The following PALB2 variants were observed in gnomAD, a reference collection of about 807,000 sequenced individuals.
The protein encoded by PALB2 is mutant partner and localizer of BRCA2.
A neutral mutation model predicts 107.4 loss-of-function variants in PALB2; 82 were observed. The observed-to-expected ratio is 0.76, with a 90% CI of 0.64 to 0.92. PALB2 has a LOEUF of 0.92. Ranked by LOEUF, PALB2 falls within the 40% of genes least tolerant of loss-of-function variation. The pLI is 0.00. For synonymous variants in PALB2, 489 were observed against 496.8 expected (o/e 0.98, Z 0.21); for missense variants, 1,374 against 1,379.9 (o/e 1.00, Z 0.07).
rs183489969 is a variant in PALB2 at position 23,621,421 on chromosome 16, C to G, written c.3054G>C (p.Glu1018Asp). The change falls in exon 10 of 13, where the codon GAG (glutamate) becomes GAC (aspartate). Residue 1018 changes from glutamate to aspartate, a missense_variant. Transcript: ENST00000261584. ...PPEETILTFA[E>D]VQGMQEALLG... is the part of the protein sequence containing the mutation. ...GCAGAGCTTCTTGCATCCCTTGGAC[C>G]TCAGCAAAAGTTAGTATAGTCTCCT... 214 of 1,614,106 alleles carry G rather than the reference C, an allele frequency of 1.3e-4. No homozygotes were observed. In the East Asian group the frequency reaches 4.2e-3, roughly 31 times the overall value.
intron 11 of PALB2, among the ~76,000 whole-genome samples, chr16:23,611,466 A>AT (rs35421265): frequency 2.8e-4 from 41 of 146,330 alleles, no homozygotes; most frequent in African/African-American, 9.0e-4. Flanking sequence ...TATTATTATT[A>AT]TTTTTTTTTG....
At chr16:23,619,500 C>A (rs966089660) in intron 10 of PALB2, among the ~76,000 whole-genome samples, 31 of 150,946 alleles carry the variant, frequency 2.1e-4, no homozygotes, top group Non-Finnish European at 4.0e-4. Flanking sequence ...ATTTTTGTGT[C>A]TTTAGTAGAG....
chr16:23,637,203 G>A (rs1037743995), intron 3 of PALB2, among the ~76,000 whole-genome samples: 1 of 152,024 alleles, frequency 6.6e-6, no homozygotes, highest in African/African-American at 2.4e-5. Flanking sequence ...AGCTGTGATT[G>A]AGCCACTGTA....
chr16:23,630,586 C>A, intron 4 of PALB2, 117 bp from the exon 5 acceptor site: 1 of 837,800 alleles, frequency 1.2e-6, no homozygotes, highest in African/African-American at 1.7e-5. Context: ...TTTTAATGAA[C>A]CTTAATTTCC....
chr16:23,636,732 C>T (rs1177445808), intron 3 of PALB2, among the ~76,000 whole-genome samples: 1 of 152,168 alleles, frequency 6.6e-6, no homozygotes, highest in Non-Finnish European at 1.5e-5. Context: ...TTCTTTATCA[C>T]ACAATCTCTT....
chr16:23,612,631 A>G (rs961096577), intron 11 of PALB2, among the ~76,000 whole-genome samples: 1 of 145,998 alleles, frequency 6.8e-6, no homozygotes, highest in Admixed American at 7.0e-5. Context: ...GGCTCCAGGG[A>G]TCCCCTGAAC....
chr16:23,611,207 C>T (rs1051979574), intron 11 of PALB2, among the ~76,000 whole-genome samples: 16 of 152,046 alleles, frequency 1.1e-4, no homozygotes, highest in Admixed American at 5.2e-4. Flanking sequence ...TGCAATGGCA[C>T]GATCTTGGCT....
In PALB2 at chr16:23,635,812, G is replaced by A. The variant is rs571063157; in HGVS notation, c.734C>T (p.Ala245Val). ...TAGAGTCTGTAAAGGAACTGTAGTC[G>A]CCCTGGTGAAATTAGGTCTTCTTAG... ...TFLRRPNFTRATTVPLQTLSD... is the reference protein window; with the variant it reads ...TFLRRPNFTRVTTVPLQTLSD... Residue 245 changes from alanine to valine, a missense_variant, in exon 4 of 13, where the codon GCG becomes GTG. Ala to Val is a moderately conservative substitution (Grantham distance 64). Transcript: ENST00000261584. 1.3e-5 allele frequency: 21 copies of A among 1,614,114 alleles called. No individual in the cohort carries two copies. The highest frequency in any genetic ancestry group is 9.9e-5 in the South Asian group (9 of 91,088).
At position 23,603,471 on chromosome 16, in the gene PALB2, G is replaced by T. The variant is rs118203998; in HGVS notation, c.3549C>A (p.Tyr1183Ter). The T allele has an allele frequency of 3.1e-6, 5 of 1,612,120 alleles. No homozygotes were observed. Among genetic ancestry groups the T allele is most frequent in the Non-Finnish European group, 4.2e-6 (5 of 1,178,256 alleles). ...AGQKDGNIFV[Y>*]HYS ...ACTTTACCCTAACTTATGAATAGTG[G>T]TATACAAATATATTTCCATCTTTTT... The change falls in exon 13 of 13, where the codon TAC becomes TAA. Residue 1183 changes from tyrosine to a stop codon, truncating the protein, a stop_gained. Transcript: ENST00000261584. LOFTEE classifies it high-confidence loss of function.
At chr16:23,626,539 C>T in intron 6 of PALB2, 142 bp from the exon 7 acceptor site, 1 of 869,740 alleles carries the variant, frequency 1.1e-6, no homozygotes, top group Non-Finnish European at 1.8e-6. Context: ...AAAGAAAGAG[C>T]TTTGTGGTTC....
In PALB2 at chr16:23,622,900, C is replaced by T. The variant is rs1414849286; in HGVS notation, c.2996+69G>A. ...GAAAAACGAGATCCTAGTTACCCAA[C>T]TTTCTCTGAAACCTGTGATAAAATC... is the stretch of plus-strand genomic sequence containing the variant. On this transcript the variant is annotated intron_variant, in intron 9 of 12. Transcript: ENST00000261584. The T allele has an allele frequency of 6.3e-6, 10 of 1,590,644 alleles. No homozygotes were observed. In the East Asian group the frequency reaches 2.2e-4, roughly 36 times the overall value.
At chr16:23,607,504 C>T in intron 12 of PALB2, 2 of 322,468 alleles carry the variant, frequency 6.2e-6, no homozygotes, top group South Asian at 5.6e-5. Context: ...CTCTGTTGTC[C>T]AAGTTGGTCT....
chr16:23,632,584 G>T (rs548951739), intron 4 of PALB2, among the ~76,000 whole-genome samples: 1 of 152,288 alleles, frequency 6.6e-6, no homozygotes, highest in South Asian at 2.1e-4. Flanking sequence ...ATGAAGTAGG[G>T]GGTCAGGGGA....
chr16:23,633,884 T>G (rs1463081012), intron 4 of PALB2, among the ~76,000 whole-genome samples: 2 of 152,096 alleles, frequency 1.3e-5, no homozygotes, highest in Non-Finnish European at 2.9e-5. Flanking sequence ...TTCTATATTT[T>G]TTTTTGTAGA....
In PALB2 at chr16:23,629,991, T is replaced by G. The variant is rs587781105; in HGVS notation, c.2163A>C (p.Thr721=). The part of the protein sequence containing the change: ...VAPDDNDRPT[T]DMCSPAFPIL... Reference sequence around the variant, plus strand: ...TGGGGAAAGCAGGTGAACACATGTCTGTGGTAGGCCTGTCATTATCATCAG... The same window carrying G: ...TGGGGAAAGCAGGTGAACACATGTCGGTGGTAGGCCTGTCATTATCATCAG... The change falls in exon 5 of 13, where the codon ACA becomes ACC. Residue 721 remains threonine (T), a synonymous_variant. Transcript: ENST00000261584. 5 of 1,614,054 alleles carry G rather than the reference T, an allele frequency of 3.1e-6. No homozygotes were observed. The highest frequency in any genetic ancestry group is 4.2e-6 in the Non-Finnish European group (5 of 1,180,028).
At position 23,630,153 on chromosome 16, in the gene PALB2, T is replaced by A. The variant is rs1421924676; in HGVS notation, c.2001A>T (p.Glu667Asp). 6.2e-7 allele frequency: 1 copy of A among 1,614,196 alleles called. No individual in the cohort carries two copies. Among genetic ancestry groups the A allele is most frequent in the Admixed American group, 1.7e-5 (1 of 60,022 alleles). ...TAAGGTCCTCTTCTAAGTCCTCCAT[T>A]TCTGTATCCATGCGTTTAGGACTCA... ...EELSPKRMDT[E>D]MEDLEEDLIV... The change falls in exon 5 of 13, where the codon GAA (glutamate) becomes GAT (aspartate). Residue 667 changes from glutamate (E) to aspartate (D), a missense_variant. Glu to Asp is a conservative substitution (Grantham distance 45, BLOSUM62 2). Transcript: ENST00000261584.
chr16:23,616,653 A>G (rs1966688832), intron 10 of PALB2, among the ~76,000 whole-genome samples: 2 of 152,170 alleles, frequency 1.3e-5, no homozygotes, highest in Admixed American at 1.3e-4. Context: ...AGAATGGGAC[A>G]TAAGTAGAGA....
chr16:23,625,103 C>G (rs900949610), intron 7 of PALB2, among the ~76,000 whole-genome samples: 3 of 152,008 alleles, frequency 2.0e-5, no homozygotes, highest in African/African-American at 7.2e-5. Context: ...GAAGCCGAGG[C>G]GAGTGGATCA....
intron 7 of PALB2, among the ~76,000 whole-genome samples, chr16:23,624,330 G>A (rs958358003): frequency 3.9e-5 from 6 of 152,142 alleles, no homozygotes; most frequent in Admixed American, 2.0e-4. Context: ...TAACAATAGG[G>A]GAATAATTGG....
Sources: allele counts gnomAD v4.1 joint callset (sites outside exome capture counted in the v4.1 genomes callset), GRCh38; gene constraint gnomAD v4.1.1; transcripts MANE v1.5; gene names NCBI Gene and HGNC (gene_info 2026-07-23, HGNC 2026-07-21).